KLF12: variants seen among roughly 807,000 people sequenced by gnomAD.
KLF12 encodes KLF transcription factor 12.
A neutral mutation model predicts 37.8 loss-of-function variants in KLF12; 9 were observed. The observed-to-expected ratio is 0.24, with a 90% CI of 0.14 to 0.42. The LOEUF (loss-of-function observed/expected upper bound fraction) is 0.42. KLF12 is among the 10% of genes least tolerant of loss of function. The pLI, the probability that KLF12 is intolerant of heterozygous loss-of-function variation, is 1.00. For missense variants in KLF12, 411 were observed against 516.0 expected (o/e 0.80, Z 1.97); for synonymous variants, 208 against 202.1 (o/e 1.03, Z -0.25).
chr13:73,772,150 C>G (rs1366547927), intron 5 of KLF12, among the ~76,000 whole-genome samples: 1 of 103,076 alleles, frequency 9.7e-6, no homozygotes, highest in Non-Finnish European at 2.6e-5. Flanking sequence ...TATATACAAC[C>G]TGTCTATCTT....
Position 73,695,249 on chromosome 13 carries a change from C to T in KLF12, c.*241G>A. The T allele has an allele frequency of 4.1e-6, 2 of 483,106 alleles. No individual in the cohort carries two copies. The highest frequency in any genetic ancestry group is 7.4e-6 in the Non-Finnish European group (2 of 270,366). 29.9% of individuals were successfully genotyped at this position (483,106 alleles called of 1,614,324 possible). On this transcript the variant is annotated 3_prime_UTR_variant, in exon 8 of 8. Transcript: ENST00000377669. ...GAGGACACAGCACGGAAAACAATGC[C>T]TGTCTCTTCAGCATTTATGTCACTG...
At chr13:74,063,404 A>C (rs527338772) in intron 1 of KLF12, among the ~76,000 whole-genome samples, 1 of 150,392 alleles carries the variant, frequency 6.6e-6, no homozygotes, top group South Asian at 2.1e-4. Flanking sequence ...TCCTATGCTA[A>C]CCTTCAAGGA....
At chr13:74,224,608 G>C in the KLF12 span, among the ~76,000 whole-genome samples, 3 of 152,094 alleles carry the variant, frequency 2.0e-5, no homozygotes, top group South Asian at 6.2e-4. Context: ...GCTTGGAATT[G>C]AATGTTTTAA....
At chr13:73,780,521 C>A (rs905721887) in intron 5 of KLF12, among the ~76,000 whole-genome samples, 4 of 151,822 alleles carry the variant, frequency 2.6e-5, no homozygotes, top group African/African-American at 9.7e-5. Context: ...CTCTTGTTGC[C>A]CAGGCTGGAG....
chr13:74,083,541 A>ACAC (rs1566204110), intron 1 of KLF12, among the ~76,000 whole-genome samples: 4 of 124,940 alleles, frequency 3.2e-5, no homozygotes, highest in African/African-American at 1.3e-4. Context: ...CACACACACA[A>ACAC]ACATTTAATA....
chr13:74,245,585 G>T, the KLF12 span, among the ~76,000 whole-genome samples: 1 of 152,044 alleles, frequency 6.6e-6, no homozygotes, highest in African/African-American at 2.4e-5. Context: ...AAAAGTTGAG[G>T]CTTAAAAACA....
At chr13:73,964,719 G>A (rs578093732) in intron 2 of KLF12, among the ~76,000 whole-genome samples, 2 of 152,158 alleles carry the variant, frequency 1.3e-5, no homozygotes, top group East Asian at 3.9e-4. Context: ...GGTGGCTCAT[G>A]CCTATAAATC....
At chr13:74,199,313 A>G in the KLF12 span, among the ~76,000 whole-genome samples, 3 of 152,204 alleles carry the variant, frequency 2.0e-5, no homozygotes, top group African/African-American at 7.2e-5. Flanking sequence ...CAAAGAAATG[A>G]TATACTTCAA....
intron 1 of KLF12, among the ~76,000 whole-genome samples, chr13:74,052,498 C>G (rs1401060391): frequency 6.6e-6 from 1 of 151,948 alleles, no homozygotes; most frequent in African/African-American, 2.4e-5. Flanking sequence ...AACAATGAGC[C>G]AACTTATTAA....
intron 5 of KLF12, among the ~76,000 whole-genome samples, chr13:73,797,394 C>T (rs1464389170): frequency 1.3e-5 from 2 of 152,172 alleles, no homozygotes; most frequent in African/African-American, 2.4e-5. Context: ...GTTTAGTTAT[C>T]ACCAAAACTA....
At chr13:73,876,605 TATAATTAGTG>T (rs1285283740) in intron 3 of KLF12, among the ~76,000 whole-genome samples, 1 of 152,224 alleles carries the variant, frequency 6.6e-6, no homozygotes, top group Non-Finnish European at 1.5e-5. Flanking sequence ...TTACGTGGCT[TATAATTAGTG>T]ATACTTGGCT....
intron 6 of KLF12, among the ~76,000 whole-genome samples, chr13:73,740,380 A>T (rs2137885718): frequency 6.6e-6 from 1 of 152,330 alleles, no homozygotes; most frequent in South Asian, 2.1e-4. Context: ...AATTTCTGTT[A>T]TATGTAAGCC....
At chr13:73,975,095 T>A (rs958525059) in intron 2 of KLF12, among the ~76,000 whole-genome samples, 14 of 152,200 alleles carry the variant, frequency 9.2e-5, no homozygotes, top group Non-Finnish European at 1.6e-4. Flanking sequence ...GTAAAAGATG[T>A]ATGTTCATCT....
chr13:74,100,967 T>C (rs1184260176), intron 1 of KLF12, among the ~76,000 whole-genome samples: 3 of 152,176 alleles, frequency 2.0e-5, no homozygotes, highest in East Asian at 1.9e-4. Flanking sequence ...GTCAGAAATC[T>C]CATCAACCAG....
At chr13:74,044,534 C>T (rs1252207339) in intron 1 of KLF12, among the ~76,000 whole-genome samples, 2 of 151,916 alleles carry the variant, frequency 1.3e-5, no homozygotes, top group Non-Finnish European at 2.9e-5. Flanking sequence ...CAGAGAGATA[C>T]AAAAGTCAAC....
At chr13:73,961,868 G>A in intron 2 of KLF12, 1 of 382,908 alleles carries the variant, frequency 2.6e-6, no homozygotes, top group South Asian at 2.0e-5. Context: ...AGGATGTGGA[G>A]CAACAGGAAC....
At chr13:73,900,700 T>C (rs1293930796) in intron 3 of KLF12, among the ~76,000 whole-genome samples, 1 of 152,174 alleles carries the variant, frequency 6.6e-6, no homozygotes, top group Non-Finnish European at 1.5e-5. Flanking sequence ...ATTGCATTCT[T>C]GAAAGAAAGT....
At chr13:73,780,068 A>T (rs748559371) in intron 5 of KLF12, among the ~76,000 whole-genome samples, 8 of 152,198 alleles carry the variant, frequency 5.3e-5, no homozygotes, top group Non-Finnish European at 1.2e-4. Context: ...ATGTGGTAGA[A>T]ATAGCAAGAG....
At chr13:73,745,096 G>A (rs917796354) in intron 6 of KLF12, among the ~76,000 whole-genome samples, 13 of 152,090 alleles carry the variant, frequency 8.5e-5, no homozygotes, top group African/African-American at 3.1e-4. Flanking sequence ...TTCATTTATT[G>A]TTTATAAGAA....
Sources: gnomAD v4.1 joint callset for allele counts (sites outside exome capture counted in the v4.1 genomes callset) on GRCh38, gnomAD v4.1.1 for gene constraint, MANE v1.5 for transcripts, NCBI Gene and HGNC (gene_info 2026-07-23, HGNC 2026-07-21) for gene names.